HIPK2: variants seen among roughly 807,000 people sequenced by gnomAD.
The protein encoded by HIPK2 is homeodomain-interacting protein kinase 2.
HIPK2 carries 27 observed loss-of-function variants against 113.7 expected under a neutral mutation model. The observed-to-expected ratio is 0.24, with a 90% CI of 0.17 to 0.33. HIPK2 has a LOEUF of 0.33. HIPK2 is among the 10% of genes least tolerant of loss of function. The pLI, the probability that HIPK2 is intolerant of heterozygous loss-of-function variation, is 1.00. For synonymous variants in HIPK2, 631 were observed against 642.2 expected, an observed-to-expected ratio of 0.98 and a Z score of 0.26; for missense variants, 1,257 against 1,588.0, an observed-to-expected ratio of 0.79 and a Z score of 3.54.
At chr7:139,626,878 G>C in intron 5 of HIPK2, 93 bp from the exon 6 acceptor site, 2 of 1,379,186 alleles carry the variant, frequency 1.5e-6, no homozygotes, top group Non-Finnish European at 2.0e-6. Context: ...ACTTCCTCCT[G>C]ATCTCTCAAG....
intron 2 of HIPK2, among the ~76,000 whole-genome samples, chr7:139,682,011 T>TC (rs1452830595): frequency 2.6e-5 from 4 of 152,222 alleles, no homozygotes; most frequent in South Asian, 4.1e-4. Context: ...CTCCTGTTAC[T>TC]CGTGCACGGC....
intron 1 of HIPK2, among the ~76,000 whole-genome samples, chr7:139,718,576 A>G (rs1795314501): frequency 6.6e-6 from 1 of 152,104 alleles, no homozygotes; most frequent in Non-Finnish European, 1.5e-5. Context: ...CTCTTTTCCA[A>G]TACTAAAAAA....
rs185843034 is a variant in HIPK2 at position 139,747,915 on chromosome 7, T to G, written c.19+29690A>C. Reference sequence around the variant, plus strand: ...TGGCCACATTTCAAGTGCTTACTGGTCACGTGGCAAGTAGCTACTGTGGGA... The same window carrying G: ...TGGCCACATTTCAAGTGCTTACTGGGCACGTGGCAAGTAGCTACTGTGGGA... On this transcript the variant is annotated intron_variant, in intron 1 of 14. Transcript: ENST00000406875. Among the ~76,000 whole-genome samples the G allele has an allele frequency of 4.0e-3, 605 of 152,328 alleles. 1 individual carries two copies. Among genetic ancestry groups the G allele is most frequent in the Non-Finnish European group, 5.4e-3 (366 of 68,024 alleles).
intron 1 of HIPK2, among the ~76,000 whole-genome samples, chr7:139,733,651 A>C (rs1795856121): frequency 6.6e-6 from 1 of 152,256 alleles, no homozygotes; most frequent in Non-Finnish European, 1.5e-5. Context: ...GGATAAAGTG[A>C]GATAAAATAT....
intron 1 of HIPK2, among the ~76,000 whole-genome samples, chr7:139,748,281 T>C (rs747971454): frequency 2.0e-5 from 3 of 152,168 alleles, no homozygotes; most frequent in Non-Finnish European, 2.9e-5. Flanking sequence ...AACCAAAGCA[T>C]AGGAGGGGCT....
chr7:139,648,444 G>C (rs1188419037), intron 2 of HIPK2, among the ~76,000 whole-genome samples: 1 of 152,224 alleles, frequency 6.6e-6, no homozygotes, highest in Non-Finnish European at 1.5e-5. Context: ...ACTAGCGGCA[G>C]AGAGAAGCGT....
In HIPK2 at chr7:139,583,882, A is replaced by C; in HGVS notation, c.2900T>G (p.Ile967Ser). Residue 967 changes from isoleucine (I) to serine (S), a missense_variant, in exon 13 of 15, where the codon ATC becomes AGC. Ile to Ser is a moderately radical substitution (Grantham distance 142). This residue lies in a region of HIPK2 where 862 missense variants were observed against 1,004.3 expected (regional missense o/e 0.86). Transcript: ENST00000406875. ...ENHCTGNPRT[I>S]IVPPLKTQAS... is the part of the protein sequence containing the mutation. The stretch of plus-strand genomic sequence containing the variant: ...CTGGGTTTTCAGGGGTGGCACGATG[A>C]TGGTTCGGGGGTTCCCCGTGCAGTG... 6.2e-7 allele frequency: 1 copy of C among 1,613,644 alleles called. No homozygotes were observed. The highest frequency in any genetic ancestry group is 8.5e-7 in the Non-Finnish European group (1 of 1,179,784).
intron 2 of HIPK2, among the ~76,000 whole-genome samples, chr7:139,657,786 A>G (rs1367969007): frequency 6.6e-6 from 1 of 152,232 alleles, no homozygotes; most frequent in Non-Finnish European, 1.5e-5. Flanking sequence ...AAAAACAGAA[A>G]CATGGCACCT....
intron 9 of HIPK2, among the ~76,000 whole-genome samples, chr7:139,606,390 T>G (rs925304027): frequency 6.6e-6 from 1 of 152,202 alleles, no homozygotes; most frequent in African/African-American, 2.4e-5. Context: ...TGAAATATGG[T>G]AAATTAAACA....
At chr7:139,580,176 G>C (rs1219972063) in intron 13 of HIPK2, among the ~76,000 whole-genome samples, 1 of 152,186 alleles carries the variant, frequency 6.6e-6, no homozygotes, top group African/African-American at 2.4e-5. Flanking sequence ...AGACTGTGCT[G>C]GGCCCCGCTG....
intron 1 of HIPK2, among the ~76,000 whole-genome samples, chr7:139,732,950 A>T (rs983858477): frequency 1.3e-5 from 2 of 151,858 alleles, no homozygotes; most frequent in Non-Finnish European, 2.9e-5. Context: ...TGACTGGATC[A>T]TGCGGGTGGT....
chr7:139,685,786 T>C (rs976824263), intron 2 of HIPK2, among the ~76,000 whole-genome samples: 6 of 152,224 alleles, frequency 3.9e-5, no homozygotes, highest in Non-Finnish European at 7.3e-5. Flanking sequence ...GACCTACTTC[T>C]CAGAACAAAA....
chr7:139,697,319 G>A (rs1044923248), intron 2 of HIPK2, among the ~76,000 whole-genome samples: 359 of 152,322 alleles, frequency 2.4e-3, no homozygotes, highest in Admixed American at 4.6e-3. Flanking sequence ...TTTTCTCTCC[G>A]AGTGAAGGAG....
chr7:139,755,068 G>A (rs1796342579), intron 1 of HIPK2, among the ~76,000 whole-genome samples: 1 of 152,204 alleles, frequency 6.6e-6, no homozygotes, highest in African/African-American at 2.4e-5. Context: ...GCACATCCTG[G>A]TCAGTTTAAC....
At chr7:139,647,188 T>C (rs1222813700) in intron 2 of HIPK2, among the ~76,000 whole-genome samples, 1 of 151,618 alleles carries the variant, frequency 6.6e-6, no homozygotes, top group African/African-American at 2.4e-5. Context: ...CCCGAGGCCA[T>C]GGCCTGTGCA....
intron 2 of HIPK2, among the ~76,000 whole-genome samples, chr7:139,635,751 G>A (rs1208176861): frequency 3.3e-5 from 5 of 152,096 alleles, no homozygotes; most frequent in Admixed American, 6.5e-5. Context: ...AACTCGAGTC[G>A]AATACAAAAC....
chr7:139,659,822 C>T (rs977337272), intron 2 of HIPK2, among the ~76,000 whole-genome samples: 1 of 152,164 alleles, frequency 6.6e-6, no homozygotes, highest in Non-Finnish European at 1.5e-5. Context: ...TTCCTTTATT[C>T]AGTTCTCCCT....
chr7:139,767,206 C>T (rs998824882), intron 1 of HIPK2, among the ~76,000 whole-genome samples: 5 of 152,248 alleles, frequency 3.3e-5, no homozygotes, highest in African/African-American at 7.2e-5. Context: ...AAGCCTACCA[C>T]AGACCTACTG....
At position 139,639,258 on chromosome 7, in the gene HIPK2, C is replaced by T. The variant is rs552740009; in HGVS notation, c.1104-7533G>A. Reference sequence around the variant, plus strand: ...AGGTCCTAGAAGTTCAAAGTCAAGTCTAAAATGTTTCTTTTCATCCAGCCC... The same window carrying T: ...AGGTCCTAGAAGTTCAAAGTCAAGTTTAAAATGTTTCTTTTCATCCAGCCC... On this transcript the variant is annotated intron_variant, in intron 2 of 14. Coordinates refer to ENST00000406875, the MANE Select transcript of HIPK2 (RefSeq NM_022740.5). Among the ~76,000 whole-genome samples, 16 of 152,306 alleles carry T rather than the reference C, an allele frequency of 1.1e-4. No individual in the cohort carries two copies. In the South Asian group the frequency reaches 2.7e-3, roughly 26 times the overall value.
Sources: gnomAD v4.1 joint callset for allele counts (sites outside exome capture counted in the v4.1 genomes callset) on GRCh38, gnomAD v4.1.1 for gene constraint, gnomAD v4.1.1 regional missense constraint, MANE v1.5 for transcripts, NCBI Gene and HGNC (gene_info 2026-07-23, HGNC 2026-07-21) for gene names.